The following CDH12 variants were observed in gnomAD, a reference collection of about 807,000 sequenced individuals.
The protein encoded by CDH12 is cadherin-12.
In CDH12, 41 loss-of-function variants were observed where a neutral mutation model predicts 74.1. The ratio of observed to expected loss-of-function variants is 0.55; its 90% CI spans 0.43 to 0.72. The LOEUF (loss-of-function observed/expected upper bound fraction) is 0.72. Ranked by LOEUF, CDH12 falls within the 30% of genes least tolerant of loss-of-function variation. The probability of loss-of-function intolerance (pLI) is 0.00; values close to 1 mark genes in which losing one functional copy is unlikely to be tolerated. For synonymous variants in CDH12, 399 were observed against 355.0 expected (o/e 1.12, Z -1.39); for missense variants, 945 against 977.2 (o/e 0.97, Z 0.44).
chr5:22,787,126 AAC>A (rs796275532), intron 1 of CDH12, among the ~76,000 whole-genome samples: 2 of 151,160 alleles, frequency 1.3e-5, no homozygotes, highest in African/African-American at 2.4e-5. Context: ...GGACCTCTAA[AAC>A]ACACACACAC....
chr5:22,651,269 T>C (rs1391801773), intron 1 of CDH12, among the ~76,000 whole-genome samples: 2 of 152,072 alleles, frequency 1.3e-5, no homozygotes, highest in African/African-American at 4.8e-5. Context: ...ATTTTTCTTC[T>C]ATTTAAAATA....
At chr5:21,831,731 C>T (rs1192638151) in intron 8 of CDH12, among the ~76,000 whole-genome samples, 1 of 151,678 alleles carries the variant, frequency 6.6e-6, no homozygotes, top group African/African-American at 2.4e-5. Flanking sequence ...TCAAAAGAGA[C>T]AATTTTCTCG....
At chr5:22,718,098 A>G (rs563320675) in intron 1 of CDH12, among the ~76,000 whole-genome samples, 2 of 152,360 alleles carry the variant, frequency 1.3e-5, no homozygotes, top group East Asian at 3.9e-4. Flanking sequence ...ATACACATTC[A>G]TTGTGAAAAT....
chr5:22,719,424 T>C (rs1743761378), intron 1 of CDH12, among the ~76,000 whole-genome samples: 1 of 152,146 alleles, frequency 6.6e-6, no homozygotes. Flanking sequence ...ATAGCAAATG[T>C]GGAAAAGATA....
At chr5:22,675,973 C>G (rs1351700883) in intron 1 of CDH12, among the ~76,000 whole-genome samples, 1 of 146,030 alleles carries the variant, frequency 6.8e-6, no homozygotes, top group Non-Finnish European at 1.5e-5. Flanking sequence ...GAAATATCTT[C>G]AGATCCATTA....
intron 5 of CDH12, among the ~76,000 whole-genome samples, chr5:22,015,979 C>A (rs1737579329): frequency 6.6e-6 from 1 of 151,686 alleles, no homozygotes; most frequent in Non-Finnish European, 1.5e-5. Flanking sequence ...TGGTAGAAAT[C>A]TGTTATCATC....
At chr5:21,808,138 CACA>C (rs1747538602) in intron 9 of CDH12, among the ~76,000 whole-genome samples, 1 of 151,966 alleles carries the variant, frequency 6.6e-6, no homozygotes, top group South Asian at 2.1e-4. Context: ...AAAACAAACA[CACA>C]ACAACAATAC....
At chr5:22,393,768 G>T (rs1742343310) in intron 3 of CDH12, among the ~76,000 whole-genome samples, 1 of 152,086 alleles carries the variant, frequency 6.6e-6, no homozygotes, top group East Asian at 1.9e-4. Flanking sequence ...TTGAATGTTG[G>T]TGTAAATATG....
At chr5:22,503,608 C>A (rs2126659939) in intron 2 of CDH12, among the ~76,000 whole-genome samples, 1 of 152,196 alleles carries the variant, frequency 6.6e-6, no homozygotes, top group Admixed American at 6.5e-5. Flanking sequence ...GAATTCCACT[C>A]TAATTAAAAA....
chr5:22,592,015 T>C (rs375934296), intron 1 of CDH12, among the ~76,000 whole-genome samples: 1 of 152,190 alleles, frequency 6.6e-6, no homozygotes, highest in South Asian at 2.1e-4. Context: ...TGCATTTATT[T>C]GCTACTTTAA....
At position 22,625,568 on chromosome 5, in the gene CDH12, T is replaced by C. The variant is rs145157040; in HGVS notation, c.-522-120204A>G. Reference sequence around the variant, plus strand: ...GCCAGGGAGGCTCATCCTCCAAGGCTTGCCAAGCTCCTTTAGCTGGCTTTA... The same window carrying C: ...GCCAGGGAGGCTCATCCTCCAAGGCCTGCCAAGCTCCTTTAGCTGGCTTTA... On this transcript the variant is annotated intron_variant, in intron 1 of 14. Transcript: ENST00000382254. Among the ~76,000 whole-genome samples, 1,172 of 152,296 alleles carry C rather than the reference T, an allele frequency of 7.7e-3. 6 individuals are homozygous for C. The highest frequency in any genetic ancestry group is 0.014 in the Middle Eastern group (4 of 294).
chr5:22,027,366 T>C (rs927554082), intron 5 of CDH12, among the ~76,000 whole-genome samples: 1 of 152,200 alleles, frequency 6.6e-6, no homozygotes, highest in African/African-American at 2.4e-5. Context: ...TTTCTGTTGA[T>C]TGGAATAGTT....
At chr5:22,719,146 T>A (rs2126986512) in intron 1 of CDH12, among the ~76,000 whole-genome samples, 1 of 152,268 alleles carries the variant, frequency 6.6e-6, no homozygotes, top group South Asian at 2.1e-4. Flanking sequence ...GTGGGGATGG[T>A]TCCCTCAGCC....
At chr5:22,839,247 T>A (rs1736978098) in intron 1 of CDH12, among the ~76,000 whole-genome samples, 1 of 152,144 alleles carries the variant, frequency 6.6e-6, no homozygotes, top group South Asian at 2.1e-4. Flanking sequence ...TTTATTTAAA[T>A]GGATACAATT....
At chr5:21,893,661 G>A (rs981042058) in intron 6 of CDH12, among the ~76,000 whole-genome samples, 3 of 152,154 alleles carry the variant, frequency 2.0e-5, no homozygotes, top group African/African-American at 7.2e-5. Context: ...AAGTAACCCT[G>A]CTACTGATTG....
At chr5:22,299,253 GGGGTTGGAGAGA>G (rs1393406385) in intron 3 of CDH12, among the ~76,000 whole-genome samples, 1 of 152,042 alleles carries the variant, frequency 6.6e-6, no homozygotes, top group African/African-American at 2.4e-5. Context: ...GAGATGGGGT[GGGGTTGGAGAGA>G]GAGAGATAGC....
At chr5:22,141,224 A>G (rs1232521281) in intron 4 of CDH12, 1 of 152,176 alleles carries the variant, frequency 6.6e-6, no homozygotes, top group Non-Finnish European at 1.5e-5. Flanking sequence ...TTCTATTTGA[A>G]TGGCATGATT....
chr5:22,330,389 T>C (rs1739297048), intron 3 of CDH12, among the ~76,000 whole-genome samples: 1 of 152,050 alleles, frequency 6.6e-6, no homozygotes, highest in East Asian at 1.9e-4. Flanking sequence ...GGCTATGAGA[T>C]GCACTGGCTT....
At chr5:22,081,492 C>A (rs10055079) in intron 4 of CDH12, among the ~76,000 whole-genome samples, 1 of 152,030 alleles carries the variant, frequency 6.6e-6, no homozygotes, top group East Asian at 1.9e-4. Flanking sequence ...GAGATAAATA[C>A]AAGGAGAAAA....
Sources: gnomAD v4.1 joint callset for allele counts (sites outside exome capture counted in the v4.1 genomes callset) on GRCh38, gnomAD v4.1.1 for gene constraint, MANE v1.5 for transcripts, NCBI Gene and HGNC (gene_info 2026-07-23, HGNC 2026-07-21) for gene names.